MMRN2: variants seen among roughly 807,000 people sequenced by gnomAD.
MMRN2 encodes multimerin-2.
MMRN2 carries 53 observed loss-of-function variants against 68.8 expected under a neutral mutation model. The observed-to-expected ratio is 0.77, with a 90% CI of 0.62 to 0.97. MMRN2 has a LOEUF of 0.97. MMRN2 is among the 50% of genes least tolerant of loss of function. The probability of loss-of-function intolerance (pLI) is 0.00; values close to 1 mark genes in which losing one functional copy is unlikely to be tolerated. For missense variants in MMRN2, 1,266 were observed against 1,259.5 expected, an observed-to-expected ratio of 1.01 and a Z score of -0.08; for synonymous variants, 564 against 551.6, an observed-to-expected ratio of 1.02 and a Z score of -0.32.
chr10:86,951,177 C>T (rs1191291099), intron 1 of MMRN2, among the ~76,000 whole-genome samples: 2 of 152,332 alleles, frequency 1.3e-5, no homozygotes, highest in Middle Eastern at 3.4e-3. Flanking sequence ...AAAGAATCAC[C>T]TGCAAAGTTG....
At chr10:86,947,126 G>A (rs917097464) in intron 1 of MMRN2, among the ~76,000 whole-genome samples, 6 of 152,114 alleles carry the variant, frequency 3.9e-5, no homozygotes, top group Admixed American at 2.0e-4. Context: ...TGATGGGAGG[G>A]CAAGACGTTG....
At chr10:86,938,500 G>T (rs956690562) in intron 6 of MMRN2, among the ~76,000 whole-genome samples, 8 of 152,204 alleles carry the variant, frequency 5.3e-5, no homozygotes, top group Admixed American at 4.6e-4. Flanking sequence ...CAGTCCTGCT[G>T]CCTGGACAGC....
intron 6 of MMRN2, among the ~76,000 whole-genome samples, chr10:86,937,438 G>A (rs1843897548): frequency 6.8e-6 from 1 of 147,510 alleles, no homozygotes; most frequent in South Asian, 2.2e-4. Context: ...CAGTGGTCAT[G>A]ACTCACTGCA....
chr10:86,957,082 C>T (rs1844246094), intron 1 of MMRN2, among the ~76,000 whole-genome samples: 1 of 152,230 alleles, frequency 6.6e-6, no homozygotes, highest in Admixed American at 6.5e-5. Flanking sequence ...ATGGCTTCAG[C>T]CACAGTCCCC....
Position 86,943,257 on chromosome 10 carries a change from C to T in MMRN2, c.1527G>A (p.Arg509=). 1 of 1,613,222 alleles carries T rather than the reference C, an allele frequency of 6.2e-7. No homozygotes were observed. The highest frequency in any genetic ancestry group is 2.2e-5 in the East Asian group (1 of 44,884). Residue 509 remains arginine, a synonymous_variant, in exon 6 of 7, where the codon AGG becomes AGA. Transcript: ENST00000372027. This position sits in a 1 kb window ranked among gnomAD's most constrained non-coding sequence, Gnocchi z 4.2. The part of the protein sequence containing the change: ...LDLDVIREGQ[R]DATRALEETQ... ...TCTCCTCCAGGGCACGCGTGGCGTC[C>T]CTCTGGCCCTCCCGGATGACGTCCA...
chr10:86,938,843 G>A (rs1488908704), intron 6 of MMRN2, among the ~76,000 whole-genome samples: 3 of 152,242 alleles, frequency 2.0e-5, no homozygotes, highest in African/African-American at 7.2e-5. Flanking sequence ...AGACAGCTGA[G>A]AATAGCTTTC....
chr10:86,951,414 C>G (rs1002633696), intron 1 of MMRN2, among the ~76,000 whole-genome samples: 2 of 152,330 alleles, frequency 1.3e-5, no homozygotes, highest in East Asian at 3.9e-4. Context: ...ATGGTGACAC[C>G]CAGGGTGGGG....
In MMRN2 at chr10:86,942,555, G is replaced by T; in HGVS notation, c.2229C>A (p.Ser743Arg). 6.2e-7 allele frequency: 1 copy of T among 1,613,250 alleles called. No individual in the cohort carries two copies. Among genetic ancestry groups the T allele is most frequent in the Non-Finnish European group, 8.5e-7 (1 of 1,179,952 alleles). ...LHNALFATQR[S>R]LEQHQRLFHS... ...GGAAGAGCCGCTGGTGCTGCTCCAA[G>T]CTGCGCTGAGTGGCGAAGAGTGCGT... The change falls in exon 6 of 7, where the codon AGC (serine) becomes AGA (arginine). Residue 743 changes from serine (S) to arginine (R), a missense_variant. By Grantham distance (110) the Ser-to-Arg change is moderately radical. Coordinates refer to ENST00000372027, the MANE Select transcript of MMRN2 (RefSeq NM_024756.3).
Position 86,957,400 on chromosome 10 carries a change from T to C in MMRN2, c.142A>G (p.Thr48Ala), listed in dbSNP as rs1307327090. The C allele has an allele frequency of 6.2e-7, 1 of 1,613,438 alleles. No individual in the cohort carries two copies. The highest frequency in any genetic ancestry group is 8.5e-7 in the Non-Finnish European group (1 of 1,179,962). Reference sequence around the variant, plus strand: ...TACCGTCCTACGGGGTCCTTGCCGGTGTCCTCAGCCTCTGCCTTCCAGACC... The same window carrying C: ...TACCGTCCTACGGGGTCCTTGCCGGCGTCCTCAGCCTCTGCCTTCCAGACC... ...PGVWKAEAED[T>A]GKDPVGRNWC... The change falls in exon 1 of 7, where the codon ACC becomes GCC. Residue 48 changes from threonine to alanine, a missense_variant. Coordinates refer to ENST00000372027, the MANE Select transcript of MMRN2 (RefSeq NM_024756.3).
Position 86,942,837 on chromosome 10 carries a change from C to T in MMRN2, c.1947G>A (p.Gln649=). ...VALQDAASGL[Q]EQALGWDELA... ...GCTCGTCCCAGCCGAGCGCCTGCTC[C>T]TGCAGCCCGCTAGCGGCGTCCTGCA... Residue 649 remains glutamine (Q), a synonymous_variant, in exon 6 of 7, where the codon CAG becomes CAA. Coordinates refer to ENST00000372027, the MANE Select transcript of MMRN2 (RefSeq NM_024756.3). 1.5e-6 allele frequency: 2 copies of T among 1,378,018 alleles called. No homozygotes were observed. The highest frequency in any genetic ancestry group is 1.9e-6 in the Non-Finnish European group (2 of 1,066,984). 85.4% of individuals were successfully genotyped at this position (1,378,018 alleles called of 1,614,324 possible).
intron 6 of MMRN2, among the ~76,000 whole-genome samples, chr10:86,940,881 G>A (rs746677): frequency 0.54 from 82,158 of 152,038 alleles, 22,560 homozygotes; most frequent in East Asian, 0.78. Flanking sequence ...TCCCCCTCCC[G>A]GGACCACACT....
At chr10:86,955,528 A>G (rs1054838947) in intron 1 of MMRN2, among the ~76,000 whole-genome samples, 2 of 152,184 alleles carry the variant, frequency 1.3e-5, no homozygotes, top group Non-Finnish European at 2.9e-5. Context: ...TGTAAGTGGC[A>G]AAGGCAGGGC....
rs200709835 is a variant in MMRN2, at chr10:86,942,602, C to T, written c.2182G>A (p.Ala728Thr). Residue 728 changes from alanine to threonine, a missense_variant, in exon 6 of 7, where the codon GCC (alanine) becomes ACC (threonine). Ala to Thr is a moderately conservative substitution (Grantham distance 58, BLOSUM62 0). Transcript: ENST00000372027. ...EAGAGAASLN[A>T]SLHGLHNALF... is the part of the protein sequence containing the mutation. ...GCGTTGTGGAGGCCGTGAAGGGAGG[C>T]GTTGAGGGAGGCGGCCCCGGCCCCG... The T allele has an allele frequency of 1.9e-6, 3 of 1,608,076 alleles. No individual in the cohort carries two copies. Among genetic ancestry groups the T allele is most frequent in the East Asian group, 2.2e-5 (1 of 44,840 alleles).
chr10:86,937,425 C>T (rs998645958), intron 6 of MMRN2, among the ~76,000 whole-genome samples: 1 of 151,242 alleles, frequency 6.6e-6, no homozygotes, highest in African/African-American at 2.4e-5. Context: ...GGCTGGAGTG[C>T]AGCAGTGGTC....
intron 1 of MMRN2, among the ~76,000 whole-genome samples, chr10:86,955,165 A>G (rs74150412): frequency 0.097 from 14,790 of 152,082 alleles, 1,003 homozygotes; most frequent in African/African-American, 0.19. Flanking sequence ...CCTCCAAGCT[A>G]TCATAGCAAT....
intron 1 of MMRN2, among the ~76,000 whole-genome samples, chr10:86,955,885 A>G (rs1844216903): frequency 1.3e-5 from 2 of 152,086 alleles, no homozygotes; most frequent in Non-Finnish European, 2.9e-5. Context: ...TCAGAACCCC[A>G]GAGAAGGACT....
Position 86,957,509 on chromosome 10 carries a change from G to GC in MMRN2, c.32dup (p.Leu13ProfsTer16). On this transcript the variant is annotated frameshift_variant, in exon 1 of 7. Transcript: ENST00000372027. LOFTEE classifies it high-confidence loss of function. ...CCCCCAGCAGCCCCCAGCCCAGGGG[G>GC]CCCCCAAGGCTGAACAGCAAGCTCA... 6.2e-7 allele frequency: 1 copy of GC among 1,612,546 alleles called. No individual in the cohort carries two copies. Among genetic ancestry groups the GC allele is most frequent in the Non-Finnish European group, 8.5e-7 (1 of 1,179,816 alleles).
chr10:86,943,143 C>G lies in MMRN2; in HGVS notation c.1641G>C (p.Val547=). Residue 547 remains valine (V), a synonymous_variant, in exon 6 of 7, where the codon GTG becomes GTC. Coordinates refer to ENST00000372027, the MANE Select transcript of MMRN2 (RefSeq NM_024756.3). This position sits in a 1 kb window ranked among gnomAD's most constrained non-coding sequence, Gnocchi z 4.2. ...QNAVDAVSLA[V]DAHKAEGERA... Reference sequence around the variant, plus strand: ...GCTCGCCCTCCGCTTTGTGCGCGTCCACGGCCAGCGACACGGCGTCCACGG... The same window carrying G: ...GCTCGCCCTCCGCTTTGTGCGCGTCGACGGCCAGCGACACGGCGTCCACGG... The G allele has an allele frequency of 6.3e-7, 1 of 1,591,230 alleles. No homozygotes were observed. The highest frequency in any genetic ancestry group is 8.5e-7 in the Non-Finnish European group (1 of 1,171,432).
At chr10:86,953,109 T>G (rs1436549870) in intron 1 of MMRN2, among the ~76,000 whole-genome samples, 2 of 152,194 alleles carry the variant, frequency 1.3e-5, no homozygotes, top group Admixed American at 6.5e-5. Flanking sequence ...CCTTGTTCCC[T>G]AAAATCGCTG....
Sources: allele counts gnomAD v4.1 joint callset (sites outside exome capture counted in the v4.1 genomes callset), GRCh38; gene constraint gnomAD v4.1.1; non-coding constraint Gnocchi (gnomAD v3.1); transcripts MANE v1.5; gene names NCBI Gene and HGNC (gene_info 2026-07-23, HGNC 2026-07-21).